Variants in DPYS observed in about 807,000 individuals in gnomAD.
The protein encoded by DPYS is dihydropyrimidinase.
In DPYS, 39 loss-of-function variants were observed where a neutral mutation model predicts 50.3. The observed-to-expected ratio is 0.78, with a 90% CI of 0.60 to 1.01. DPYS has a LOEUF of 1.01. Among genes scored for constraint, DPYS ranks in the 50% least tolerant of loss-of-function variants. The probability of loss-of-function intolerance (pLI) is 0.00; values close to 1 mark genes in which losing one functional copy is unlikely to be tolerated. For synonymous variants in DPYS, 245 were observed against 250.7 expected, an observed-to-expected ratio of 0.98 and a Z score of 0.22; for missense variants, 659 against 680.9, an observed-to-expected ratio of 0.97 and a Z score of 0.36.
At chr8:104,443,380 G>A (rs1318334026) in intron 4 of DPYS, among the ~76,000 whole-genome samples, 1 of 152,012 alleles carries the variant, frequency 6.6e-6, no homozygotes, top group Non-Finnish European at 1.5e-5. Flanking sequence ...AGGCAGTTTG[G>A]GGTAAAAATA....
intron 7 of DPYS, among the ~76,000 whole-genome samples, chr8:104,417,570 C>T (rs992470999): frequency 3.9e-5 from 6 of 152,144 alleles, no homozygotes; most frequent in Non-Finnish European, 7.3e-5. Context: ...ATATGGAAAA[C>T]GTCCTTAAAT....
intron 1 of DPYS, among the ~76,000 whole-genome samples, chr8:104,465,321 G>C (rs759306089): frequency 6.6e-6 from 1 of 152,084 alleles, no homozygotes; most frequent in Non-Finnish European, 1.5e-5. Flanking sequence ...ATGGAGAGAA[G>C]GAGGGAGGGA....
At chr8:104,466,359 G>A (rs1814390605) in intron 1 of DPYS, among the ~76,000 whole-genome samples, 1 of 152,224 alleles carries the variant, frequency 6.6e-6, no homozygotes, top group African/African-American at 2.4e-5. Context: ...GCGGTATAGA[G>A]AAATTAGGGT....
In DPYS at chr8:104,404,882, C is replaced by T. The variant is rs144629627; in HGVS notation, c.1236-11891G>A. Among the ~76,000 whole-genome samples, 1,149 of 152,332 alleles carry T rather than the reference C, an allele frequency of 7.5e-3. 14 individuals carry two copies. Among genetic ancestry groups the T allele is most frequent in the African/African-American group, 0.026 (1,093 of 41,564 alleles). ...AAGCCAAAAAGAAAGTACTATGTGG[C>T]TCTTTACAAAAAGTTTGCTCTTCCC... is the stretch of plus-strand genomic sequence containing the variant. On this transcript the variant is annotated intron_variant, in intron 7 of 9. Coordinates refer to ENST00000351513, the MANE Select transcript of DPYS (RefSeq NM_001385.3).
At chr8:104,431,127 A>C (rs1282917365) in intron 4 of DPYS, among the ~76,000 whole-genome samples, 1 of 152,120 alleles carries the variant, frequency 6.6e-6, no homozygotes, top group East Asian at 1.9e-4. Flanking sequence ...ATCACTTTAC[A>C]AGTCGCTGAC....
chr8:104,392,752 C>T lies in DPYS; in HGVS notation c.1443+32G>A, dbSNP rs764199885. On this transcript the variant is annotated intron_variant, in intron 8 of 9. Coordinates refer to ENST00000351513, the MANE Select transcript of DPYS (RefSeq NM_001385.3). ...CATCCAGAAGCAGGAGACAGTCCGA[C>T]TTGTGGCAGTATCCCACTGTGGCAC... is the stretch of plus-strand genomic sequence containing the variant. 70 of 1,613,030 alleles carry T rather than the reference C, an allele frequency of 4.3e-5. No homozygotes were observed. The South Asian group carries it at 6.3e-4, about 14-fold the overall frequency.
intron 1 of DPYS, among the ~76,000 whole-genome samples, chr8:104,454,644 A>T (rs546130840): frequency 6.6e-6 from 1 of 152,366 alleles, no homozygotes; most frequent in South Asian, 2.1e-4. Context: ...AGAAATATGA[A>T]TAAATAAATA....
chr8:104,457,305 A>G (rs565035946), intron 1 of DPYS, among the ~76,000 whole-genome samples: 2 of 152,352 alleles, frequency 1.3e-5, no homozygotes, highest in Admixed American at 6.5e-5. Flanking sequence ...TGTGCTGGAC[A>G]TAGGGAGGAC....
At chr8:104,410,110 G>T (rs1812124789) in intron 7 of DPYS, among the ~76,000 whole-genome samples, 1 of 152,156 alleles carries the variant, frequency 6.6e-6, no homozygotes, top group Non-Finnish European at 1.5e-5. Context: ...GTTCATACAT[G>T]AGCAAGGCTG....
Position 104,392,786 on chromosome 8 carries a change from G to A in DPYS, c.1441C>T (p.Arg481Trp), listed in dbSNP as rs150948846. ...YIYKRIKQRD[R>W]TCTPTPVERA... Reference sequence around the variant, plus strand: ...GTATCCCACTGTGGCACACTCACCCGGTCTCGCTGCTTTATTCGTTTGTAA... The same window carrying A: ...GTATCCCACTGTGGCACACTCACCCAGTCTCGCTGCTTTATTCGTTTGTAA... The change falls in exon 8 of 10, where the codon CGG becomes TGG. Residue 481 changes from arginine (R) to tryptophan (W), a missense_variant and splice_region_variant. Physicochemically the swap from Arg to Trp is moderately radical, Grantham distance 101. Coordinates refer to ENST00000351513, the MANE Select transcript of DPYS (RefSeq NM_001385.3). 2.6e-5 allele frequency: 42 copies of A among 1,613,908 alleles called. No individual in the cohort carries two copies. The highest frequency in any genetic ancestry group is 2.0e-4 in the South Asian group (18 of 91,064).
chr8:104,456,747 A>G (rs1450241438), intron 1 of DPYS, among the ~76,000 whole-genome samples: 1 of 152,214 alleles, frequency 6.6e-6, no homozygotes, highest in African/African-American at 2.4e-5. Context: ...TGGCTCACAA[A>G]TCAATTATTT....
At chr8:104,447,594 A>T (rs1462192783) in intron 2 of DPYS, 91 bp from the exon 3 acceptor site, 2 of 1,449,648 alleles carry the variant, frequency 1.4e-6, no homozygotes, top group African/African-American at 1.4e-5. Context: ...TCGGAAGAGA[A>T]CTAAGTAAAA....
At chr8:104,426,708 C>G (rs911392597) in intron 6 of DPYS, among the ~76,000 whole-genome samples, 1 of 152,170 alleles carries the variant, frequency 6.6e-6, no homozygotes, top group Admixed American at 6.5e-5. Flanking sequence ...AGGCAAGTCC[C>G]CTCTGCTAGT....
intron 3 of DPYS, 79 bp downstream of exon 3, chr8:104,447,245 C>T: frequency 6.5e-7 from 1 of 1,538,632 alleles, no homozygotes; most frequent in Non-Finnish European, 9.0e-7. Flanking sequence ...AATGAGTTTA[C>T]CTATGTAGGC....
At chr8:104,426,883 C>T (rs1282842182) in intron 6 of DPYS, among the ~76,000 whole-genome samples, 1 of 152,142 alleles carries the variant, frequency 6.6e-6, no homozygotes, top group Non-Finnish European at 1.5e-5. Context: ...ATTTTAAAAA[C>T]ATGATATCCA....
intron 1 of DPYS, 100 bp from the exon 2 acceptor site, chr8:104,451,504 C>T (rs1005224676): frequency 9.3e-5 from 138 of 1,482,830 alleles, no homozygotes; most frequent in South Asian, 5.9e-5. Flanking sequence ...TGGGCAAACT[C>T]GATGGGTCCA....
chr8:104,443,694 A>G (rs1813427214), intron 4 of DPYS, among the ~76,000 whole-genome samples: 1 of 152,146 alleles, frequency 6.6e-6, no homozygotes, highest in Non-Finnish European at 1.5e-5. Flanking sequence ...GGAGTTTGAG[A>G]CTAGCCTGGC....
chr8:104,382,096 CAGAT>C lies in DPYS; in HGVS notation c.1444-786_1444-783del, dbSNP rs1209904693. ...AAATGGGGGAAATAAACCTATCTCT[CAGAT>C]AGTGGAGAATTTCCAGAGCCAAAGC... is the stretch of plus-strand genomic sequence containing the variant. On this transcript the variant is annotated intron_variant, in intron 8 of 9. Transcript: ENST00000351513. 3.3e-5 allele frequency among the ~76,000 whole-genome samples: 5 copies of C among 152,314 alleles called. No homozygotes were observed. In the East Asian group the frequency reaches 9.6e-4, roughly 29 times the overall value.
At chr8:104,458,974 A>G (rs1243440972) in intron 1 of DPYS, among the ~76,000 whole-genome samples, 1 of 152,218 alleles carries the variant, frequency 6.6e-6, no homozygotes. Flanking sequence ...TTTTACTTTC[A>G]GGTGAATGTT....
Sources: gnomAD v4.1 joint callset for allele counts (sites outside exome capture counted in the v4.1 genomes callset) on GRCh38, gnomAD v4.1.1 for gene constraint, MANE v1.5 for transcripts, NCBI Gene and HGNC (gene_info 2026-07-23, HGNC 2026-07-21) for gene names.